The following P2RY6 variants were observed in gnomAD, a reference collection of about 807,000 sequenced individuals.
P2RY6 encodes the protein pyrimidinergic receptor P2Y6, also known as P2Y purinoceptor 6.
In P2RY6, 19 loss-of-function variants were observed where a neutral mutation model predicts 16.3. That is an observed-to-expected ratio of 1.16 (90% CI 0.81 to 1.71). P2RY6 has a LOEUF of 1.71. Among genes scored for constraint, P2RY6 ranks in the 40% most tolerant of loss-of-function variants. The pLI is 0.00. For synonymous variants in P2RY6, 184 were observed against 201.5 expected (o/e 0.91, Z 0.74); for missense variants, 389 against 455.5 (o/e 0.85, Z 1.33).
At chr11:73,276,539 A>G (rs923016932) in intron 1 of P2RY6, among the ~76,000 whole-genome samples, 1 of 152,278 alleles carries the variant, frequency 6.6e-6, no homozygotes, top group Non-Finnish European at 1.5e-5. Context: ...AGCCATAAAA[A>G]TGAAATTTTT....
chr11:73,271,910 CT>C (rs1408240224), upstream of P2RY6: 1 of 152,142 alleles, frequency 6.6e-6, no homozygotes, highest in African/African-American at 2.4e-5. Context: ...CTTAACGGAC[CT>C]TCCAGGCACT....
chr11:73,273,273 T>C (rs1339342107), intron 1 of P2RY6, among the ~76,000 whole-genome samples: 1 of 151,966 alleles, frequency 6.6e-6, no homozygotes, highest in Non-Finnish European at 1.5e-5. Context: ...TTGAAGATAT[T>C]TGGGACTCTC....
chr11:73,291,172 C>T (rs540006959), intron 1 of P2RY6, among the ~76,000 whole-genome samples: 7 of 152,098 alleles, frequency 4.6e-5, no homozygotes, highest in East Asian at 3.9e-4. Flanking sequence ...CTGAGCAGAG[C>T]GGTGGGATTA....
upstream of P2RY6, among the ~76,000 whole-genome samples, chr11:73,268,767 C>G (rs1863187894): frequency 6.6e-6 from 1 of 152,212 alleles, no homozygotes; most frequent in Non-Finnish European, 1.5e-5. Context: ...GGCTAGGCAG[C>G]CTCCTGTTTC....
At chr11:73,289,010 T>G (rs1326016705) in intron 1 of P2RY6, among the ~76,000 whole-genome samples, 5 of 152,224 alleles carry the variant, frequency 3.3e-5, no homozygotes, top group Non-Finnish European at 5.9e-5. Context: ...CTGCCTCAGC[T>G]GGCTGGCAGA....
At chr11:73,288,085 T>G (rs1864040255) in intron 1 of P2RY6, among the ~76,000 whole-genome samples, 1 of 152,232 alleles carries the variant, frequency 6.6e-6, no homozygotes, top group Non-Finnish European at 1.5e-5. Flanking sequence ...TTGCTATGCC[T>G]CAGTCACCTC....
At chr11:73,271,784 A>G (rs1312245430), upstream of P2RY6, 1 of 152,022 alleles carries the variant, frequency 6.6e-6, no homozygotes, top group African/African-American at 2.4e-5. Flanking sequence ...ATAAAACAGT[A>G]TGAGAGGGTC....
upstream of P2RY6, among the ~76,000 whole-genome samples, chr11:73,271,281 A>G (rs1354542627): frequency 6.6e-6 from 1 of 151,898 alleles, no homozygotes; most frequent in Admixed American, 6.5e-5. Context: ...CCCCCCCGGC[A>G]TCACCCTCCA....
chr11:73,286,368 G>A (rs1225373658), intron 1 of P2RY6, among the ~76,000 whole-genome samples: 1 of 152,114 alleles, frequency 6.6e-6, no homozygotes, highest in African/African-American at 2.4e-5. Context: ...ACGAGTTGTG[G>A]ACAAAACTGC....
Position 73,296,548 on chromosome 11 carries a change from T to A in P2RY6, c.30T>A (p.Ala10=). Reference sequence around the variant, plus strand: ...AATGGGACAATGGCACAGGCCAGGCTCTGGGCTTGCCACCCACCACCTGTG... The same window carrying A: ...AATGGGACAATGGCACAGGCCAGGCACTGGGCTTGCCACCCACCACCTGTG... The part of the protein sequence containing the change: MEWDNGTGQ[A]LGLPPTTCVY... Residue 10 remains alanine, a synonymous_variant, in exon 3 of 3, where the codon GCT becomes GCA. Transcript: ENST00000540124. 1.2e-6 allele frequency: 2 copies of A among 1,614,108 alleles called. No individual in the cohort carries two copies. The highest frequency in any genetic ancestry group is 1.1e-5 in the South Asian group (1 of 91,080).
chr11:73,272,478 G>T lies in P2RY6; in HGVS notation c.-121+12G>T. 1 of 985,528 alleles carries T rather than the reference G, an allele frequency of 1.0e-6. No individual in the cohort carries two copies. The highest frequency in any genetic ancestry group is 1.2e-6 in the Non-Finnish European group (1 of 829,980). The allele number at this position is 985,528 out of a possible 1,614,324, so 61.0% of individuals were successfully genotyped here. A position where few individuals can be genotyped will look rare whatever the true frequency, so the allele number is the denominator to read the frequency against. On this transcript the variant is annotated intron_variant, in intron 1 of 2. Transcript: ENST00000540124. The stretch of plus-strand genomic sequence containing the variant: ...TTGCTAACTCTTGGGTGAGTTTTCT[G>T]GGTCCATGCCTGGAAGGGCTTGCGC...
chr11:73,278,608 G>A (rs1007585711), intron 1 of P2RY6, among the ~76,000 whole-genome samples: 5 of 152,120 alleles, frequency 3.3e-5, no homozygotes, highest in African/African-American at 7.2e-5. Context: ...TTATATAAGT[G>A]GAATCATACA....
At chr11:73,267,624 G>A (rs150224387), upstream of P2RY6, among the ~76,000 whole-genome samples, 3 of 152,304 alleles carry the variant, frequency 2.0e-5, no homozygotes, top group Non-Finnish European at 2.9e-5. Context: ...GAGCAGCATC[G>A]TTGATGCACA....
chr11:73,280,686 G>T (rs1412781865), intron 1 of P2RY6, among the ~76,000 whole-genome samples: 1 of 152,214 alleles, frequency 6.6e-6, no homozygotes, highest in East Asian at 1.9e-4. Flanking sequence ...TACAATGGGA[G>T]TTGGCCAGCC....
intron 1 of P2RY6, among the ~76,000 whole-genome samples, chr11:73,285,124 G>T (rs539620017): frequency 2.6e-5 from 4 of 152,226 alleles, no homozygotes; most frequent in Non-Finnish European, 5.9e-5. Flanking sequence ...AGGCTGGAAT[G>T]CAGTGGTGTG....
chr11:73,265,841 A>C (rs1863084462), intron 1 of P2RY6, among the ~76,000 whole-genome samples: 1 of 152,218 alleles, frequency 6.6e-6, no homozygotes, highest in Non-Finnish European at 1.5e-5. Context: ...GAGGCTTCAA[A>C]AGGGCTCTGG....
At chr11:73,296,223 GAAAA>G (rs142793721) in intron 2 of P2RY6, among the ~76,000 whole-genome samples, 28 of 121,492 alleles carry the variant, frequency 2.3e-4, no homozygotes, top group African/African-American at 8.3e-4. Flanking sequence ...AAGGCTGAAG[GAAAA>G]AAAAAAATAT....
chr11:73,273,546 T>A (rs963760663), intron 1 of P2RY6, among the ~76,000 whole-genome samples: 13 of 152,108 alleles, frequency 8.5e-5, no homozygotes, highest in Admixed American at 8.5e-4. Context: ...TCTTCTAAAA[T>A]TCTTACAATC....
intron 1 of P2RY6, among the ~76,000 whole-genome samples, chr11:73,266,502 G>A (rs1383773128): frequency 1.3e-5 from 2 of 152,216 alleles, no homozygotes; most frequent in Admixed American, 6.5e-5. Context: ...CAGGCCCTGA[G>A]AGCTGAAAGG....
Sources: allele counts gnomAD v4.1 joint callset (sites outside exome capture counted in the v4.1 genomes callset), GRCh38; gene constraint gnomAD v4.1.1; transcripts MANE v1.5; gene names NCBI Gene and HGNC (gene_info 2026-07-23, HGNC 2026-07-21).